COL13A1: variants seen among roughly 807,000 people sequenced by gnomAD.
COL13A1 encodes the protein collagen type XIII alpha 1 chain.
A neutral mutation model predicts 130.9 loss-of-function variants in COL13A1; 89 were observed. The observed-to-expected ratio is 0.68, with a 90% CI of 0.57 to 0.81. The LOEUF (loss-of-function observed/expected upper bound fraction) is 0.81, where lower values mean the gene tolerates loss of function less well. Ranked by LOEUF, COL13A1 falls within the 30% of genes least tolerant of loss-of-function variation. The pLI is 0.00. For synonymous variants in COL13A1, 402 were observed against 341.6 expected, an observed-to-expected ratio of 1.18 and a Z score of -1.95; for missense variants, 879 against 934.6, an observed-to-expected ratio of 0.94 and a Z score of 0.78.
intron 39 of COL13A1, among the ~76,000 whole-genome samples, chr10:69,954,186 C>T (rs2070188459): frequency 6.6e-6 from 1 of 152,210 alleles, no homozygotes; most frequent in Non-Finnish European, 1.5e-5. Context: ...GTCACCCCGC[C>T]TAGGCTAGTA....
At chr10:69,912,767 C>T (rs2063523123) in intron 17 of COL13A1, among the ~76,000 whole-genome samples, 2 of 152,200 alleles carry the variant, frequency 1.3e-5, no homozygotes, top group African/African-American at 4.8e-5. Flanking sequence ...GTAAAGCCCC[C>T]TTCCTTCCTC....
intron 28 of COL13A1, 27 bp from the exon 29 acceptor site, chr10:69,930,016 A>G: frequency 6.2e-7 from 1 of 1,611,620 alleles, no homozygotes; most frequent in Non-Finnish European, 8.5e-7. Context: ...CTGCCCTGAG[A>G]GTCACCTTTA....
chr10:69,944,077 TC>T, intron 35 of COL13A1, 47 bp from the exon 36 acceptor site: 1 of 1,529,720 alleles, frequency 6.5e-7, no homozygotes, highest in Non-Finnish European at 9.1e-7. Context: ...CACCCAGGGC[TC>T]CCCAGAGTGT....
chr10:69,895,829 G>T (rs887256901), intron 13 of COL13A1, among the ~76,000 whole-genome samples: 1 of 152,136 alleles, frequency 6.6e-6, no homozygotes, highest in Non-Finnish European at 1.5e-5. Context: ...CTGTACATCC[G>T]CCCCTTTGTA....
At chr10:69,939,807 C>A (rs1228374128) in intron 34 of COL13A1, among the ~76,000 whole-genome samples, 2 of 152,218 alleles carry the variant, frequency 1.3e-5, no homozygotes, top group Non-Finnish European at 2.9e-5. Context: ...GGCTGAGAAC[C>A]ACAGCTCTCT....
chr10:69,852,300 C>T (rs998092196), intron 2 of COL13A1, among the ~76,000 whole-genome samples: 2 of 152,196 alleles, frequency 1.3e-5, no homozygotes, highest in East Asian at 1.9e-4. Context: ...CTATCACCTG[C>T]GGCTAGAGAT....
At chr10:69,937,518 A>G (rs1319086404) in intron 33 of COL13A1, 117 bp from the exon 34 acceptor site, 1 of 628,612 alleles carries the variant, frequency 1.6e-6, no homozygotes, top group African/African-American at 1.8e-5. Context: ...TCAGCCTGCC[A>G]CCCTGACCCC....
chr10:69,895,508 A>G (rs2061547454), intron 12 of COL13A1, 42 bp from the exon 13 acceptor site: 2 of 1,611,406 alleles, frequency 1.2e-6, no homozygotes, highest in Non-Finnish European at 8.5e-7. Flanking sequence ...GGTACCCCCA[A>G]CAAGTGCCTA....
intron 2 of COL13A1, among the ~76,000 whole-genome samples, chr10:69,858,649 A>G (rs533133909): frequency 2.0e-5 from 3 of 152,344 alleles, no homozygotes; most frequent in South Asian, 2.1e-4. Flanking sequence ...TCTGGGAGCC[A>G]ACTTCAGGCA....
At chr10:69,860,680 A>AC (rs67173564) in intron 2 of COL13A1, 173,790 of 254,254 alleles carry the variant, frequency 0.68, 60,611 homozygotes, top group East Asian at 0.96. Flanking sequence ...CCTGGGCAGA[A>AC]CCTGCAGCCA....
chr10:69,874,055 A>C (rs1272838659), intron 4 of COL13A1, among the ~76,000 whole-genome samples: 1 of 152,222 alleles, frequency 6.6e-6, no homozygotes, highest in African/African-American at 2.4e-5. Context: ...GGTTAAGGGA[A>C]GAGTCAGTGC....
chr10:69,928,808 T>A, intron 27 of COL13A1, 129 bp from the exon 28 acceptor site: 1 of 595,592 alleles, frequency 1.7e-6, no homozygotes, highest in Non-Finnish European at 2.9e-6. Flanking sequence ...AAAAAATGCA[T>A]CTCTATCACT....
At chr10:69,830,438 CA>C (rs1419735902) in intron 2 of COL13A1, among the ~76,000 whole-genome samples, 1 of 152,090 alleles carries the variant, frequency 6.6e-6, no homozygotes, top group Non-Finnish European at 1.5e-5. Context: ...TCAGACTCAG[CA>C]ATTCCAGGGC....
chr10:69,876,383 T>A (rs1369724138), intron 5 of COL13A1, among the ~76,000 whole-genome samples: 1 of 152,180 alleles, frequency 6.6e-6, no homozygotes, highest in African/African-American at 2.4e-5. Flanking sequence ...GAGGAGGGTC[T>A]GATCCTTAGA....
At chr10:69,863,958 C>T (rs1333651710) in intron 2 of COL13A1, among the ~76,000 whole-genome samples, 1 of 151,934 alleles carries the variant, frequency 6.6e-6, no homozygotes, top group African/African-American at 2.4e-5. Flanking sequence ...GTCTCAGCTA[C>T]TCGGGAGGCT....
At chr10:69,821,924 G>T (rs1380533176) in intron 1 of COL13A1, among the ~76,000 whole-genome samples, 1 of 152,164 alleles carries the variant, frequency 6.6e-6, no homozygotes, top group Non-Finnish European at 1.5e-5. Flanking sequence ...CCCTACTGCT[G>T]CACCCCTGCC....
At chr10:69,915,218 G>A (rs1442217925) in intron 17 of COL13A1, among the ~76,000 whole-genome samples, 1 of 152,246 alleles carries the variant, frequency 6.6e-6, no homozygotes, top group Non-Finnish European at 1.5e-5. Context: ...AAGAGAGGAA[G>A]GTTGTAAAGC....
At chr10:69,886,653 A>ACTCACGTTT (rs1406475930) in intron 7 of COL13A1, among the ~76,000 whole-genome samples, 31 of 152,016 alleles carry the variant, frequency 2.0e-4, no homozygotes, top group African/African-American at 6.8e-4. Context: ...GAGTGACAAG[A>ACTCACGTTT]CTCACGTTTC....
intron 1 of COL13A1, among the ~76,000 whole-genome samples, chr10:69,812,513 A>G (rs1458800435): frequency 6.6e-6 from 1 of 152,202 alleles, no homozygotes; most frequent in Non-Finnish European, 1.5e-5. Context: ...TCTCCTTGAA[A>G]GAGCCAAGTT....
Sources: gnomAD v4.1 joint callset for allele counts (sites outside exome capture counted in the v4.1 genomes callset) on GRCh38, gnomAD v4.1.1 for gene constraint, MANE v1.5 for transcripts, NCBI Gene and HGNC (gene_info 2026-07-23, HGNC 2026-07-21) for gene names.